The following LMBRD2 variants were observed in gnomAD, a reference collection of about 807,000 sequenced individuals.
The protein encoded by LMBRD2 is LMBR1 domain containing 2.
LMBRD2 carries 55 observed loss-of-function variants against 94.4 expected under a neutral mutation model. The observed-to-expected ratio is 0.58, with a 90% confidence interval of 0.47 to 0.73. The LOEUF is 0.73. Ranked by LOEUF, LMBRD2 falls within the 30% of genes least tolerant of loss-of-function variation. The pLI, the probability that LMBRD2 is intolerant of heterozygous loss-of-function variation, is 0.00. For synonymous variants in LMBRD2, 246 were observed against 272.4 expected (o/e 0.90, Z 0.95); for missense variants, 640 against 831.9 (o/e 0.77, Z 2.84).
At chr5:36,130,315 T>C (rs1035148726) in intron 6 of LMBRD2, among the ~76,000 whole-genome samples, 2 of 152,268 alleles carry the variant, frequency 1.3e-5, no homozygotes, top group Middle Eastern at 3.4e-3. Flanking sequence ...GAGTTTTTAT[T>C]AGTTTTCTCT....
chr5:36,130,218 C>T (rs1355127885), intron 6 of LMBRD2, among the ~76,000 whole-genome samples: 4 of 151,934 alleles, frequency 2.6e-5, no homozygotes, highest in African/African-American at 9.7e-5. Context: ...AAAATAACTA[C>T]AACAACTTTT....
chr5:36,117,950 C>G, intron 9 of LMBRD2, 34 bp from the exon 10 acceptor site: 1 of 1,484,288 alleles, frequency 6.7e-7, no homozygotes, highest in Non-Finnish European at 9.2e-7. Context: ...ATTAGGAAAA[C>G]TACAAAAGAG....
At chr5:36,140,919 C>T in intron 4 of LMBRD2, 188 bp downstream of exon 4, 1 of 419,676 alleles carries the variant, frequency 2.4e-6, no homozygotes, top group South Asian at 4.9e-5. Flanking sequence ...CAGTTGTTTG[C>T]AGATCTAAGA....
At position 36,104,018 on chromosome 5, in the gene LMBRD2, T is replaced by G. The variant is rs779150180; in HGVS notation, c.*28A>C. ...GACTGAACTGATGTGTTGACCTTGG[T>G]TAGTGGTCCCACAAACTTTTTCAGA... On this transcript the variant is annotated 3_prime_UTR_variant, in exon 18 of 18. Transcript: ENST00000296603. The G allele has an allele frequency of 6.4e-7, 1 of 1,561,198 alleles. No homozygotes were observed. Among genetic ancestry groups the G allele is most frequent in the Non-Finnish European group, 8.8e-7 (1 of 1,134,580 alleles).
intron 6 of LMBRD2, among the ~76,000 whole-genome samples, chr5:36,134,025 CT>C (rs1203451206): frequency 2.0e-5 from 3 of 151,926 alleles, no homozygotes. Flanking sequence ...AAATTAATTT[CT>C]TTTATCAAAT....
Position 36,115,065 on chromosome 5 carries a change from TA to T in LMBRD2, c.1491del (p.His497GlnfsTer23). 6.2e-7 allele frequency: 1 copy of T among 1,612,420 alleles called. No homozygotes were observed. The highest frequency in any genetic ancestry group is 8.5e-7 in the Non-Finnish European group (1 of 1,179,014). The part of the protein sequence containing the change: ...PLCLNFLGLT[H>X]MDSSISHKNT... ...TTCTTGTGAGAGATAGATGAATCCA[TA>T]TGGGTCAAACCCAAGAAATTAAGAC... On this transcript the variant is annotated frameshift_variant, in exon 12 of 18. Coordinates refer to ENST00000296603, the MANE Select transcript of LMBRD2 (RefSeq NM_001007527.2). LOFTEE classifies it high-confidence loss of function.
At position 36,116,558 on chromosome 5, in the gene LMBRD2, G is replaced by T. The variant is rs773164811; in HGVS notation, c.1338C>A (p.Ile446=). ...ACFLSIFFLS[I]CVYSTVFRIR... ...TCCTGAACACAGTAGAATAAACACA[G>T]ATACTTAGGAAGAAGATGGAAAGGA... is the stretch of plus-strand genomic sequence containing the variant. The change falls in exon 11 of 18, where the codon ATC becomes ATA. Residue 446 remains isoleucine (I), a synonymous_variant. Transcript: ENST00000296603. The T allele has an allele frequency of 1.2e-6, 2 of 1,612,622 alleles. No individual in the cohort carries two copies. Among genetic ancestry groups the T allele is most frequent in the Non-Finnish European group, 1.7e-6 (2 of 1,179,530 alleles).
intron 13 of LMBRD2, among the ~76,000 whole-genome samples, 197 bp from the exon 14 acceptor site, chr5:36,111,455 T>C (rs111330179): frequency 6.6e-6 from 1 of 152,054 alleles, no homozygotes; most frequent in South Asian, 2.1e-4. Flanking sequence ...TGCCCTGTAC[T>C]TCACTGATTA....
Position 36,124,186 on chromosome 5 carries a change from AT to A in LMBRD2, c.822+4del. The stretch of plus-strand genomic sequence containing the variant: ...AAAAGGAAACAGACAAGATGATTTC[AT>A]TACCTTTTTAAGTATTGTATCAACA... On this transcript the variant is annotated splice_donor_region_variant and intron_variant, in intron 7 of 17. Transcript: ENST00000296603. 1 of 1,493,208 alleles carries A rather than the reference AT, an allele frequency of 6.7e-7. No individual in the cohort carries two copies. Among genetic ancestry groups the A allele is most frequent in the South Asian group, 1.2e-5 (1 of 85,764 alleles). 92.5% of individuals were successfully genotyped at this position (1,493,208 alleles called of 1,614,324 possible).
At chr5:36,113,287 AC>A (rs1743658467) in intron 13 of LMBRD2, among the ~76,000 whole-genome samples, 2 of 151,732 alleles carry the variant, frequency 1.3e-5, no homozygotes, top group South Asian at 4.2e-4. Flanking sequence ...CCAGTCACGT[AC>A]CCCCTGCTTG....
At chr5:36,136,544 T>C in intron 5 of LMBRD2, 25 bp from the exon 6 acceptor site, 1 of 1,585,476 alleles carries the variant, frequency 6.3e-7, no homozygotes, top group Non-Finnish European at 8.7e-7. Flanking sequence ...CAACAGATAA[T>C]ATGTATATTT....
chr5:36,142,364 G>C (rs1344136504), intron 3 of LMBRD2, 138 bp downstream of exon 3: 1 of 498,916 alleles, frequency 2.0e-6, no homozygotes, highest in East Asian at 3.2e-5. Context: ...AGTCTACTAG[G>C]AAAGAATAGA....
At position 36,137,379 on chromosome 5, in the gene LMBRD2, A is replaced by G; in HGVS notation, c.431T>C (p.Ile144Thr). ...RSGGFSITGKIKTALIENAIY... is the reference protein window; with the variant it reads ...RSGGFSITGKTKTALIENAIY... ...TGCATTCTCAATTAGTGCAGTTTTG[A>G]TCTTTCCAGTGATGGAAAACCCTCC... is the stretch of plus-strand genomic sequence containing the variant. The change falls in exon 5 of 18, where the codon ATC (isoleucine) becomes ACC (threonine). Residue 144 changes from isoleucine to threonine, a missense_variant. Ile to Thr is a moderately conservative substitution (Grantham distance 89, BLOSUM62 -1). Transcript: ENST00000296603. 6.2e-7 allele frequency: 1 copy of G among 1,606,312 alleles called. No homozygotes were observed. Among genetic ancestry groups the G allele is most frequent in the Middle Eastern group, 1.7e-4 (1 of 6,030 alleles).
rs896069713 is a variant in LMBRD2, at chr5:36,151,462, C to G, written c.-58+94G>C. The G allele has an allele frequency of 2.0e-5, 3 of 152,272 alleles. No homozygotes were observed. The highest frequency in any genetic ancestry group is 7.2e-5 in the African/African-American group (3 of 41,444). 9.4% of individuals were successfully genotyped at this position (152,272 alleles called of 1,614,324 possible). On this transcript the variant is annotated intron_variant, in intron 1 of 17. Transcript: ENST00000296603. The surrounding 1 kb of genome is among the most constrained non-coding windows in gnomAD (Gnocchi z 4.7). ...ATAAAGGAAGGATCCCGTCCACAGA[C>G]CCAATTCTTAGGGCCGCCTTCTCCC...
chr5:36,114,345 G>A, intron 13 of LMBRD2, 79 bp downstream of exon 13: 1 of 1,461,446 alleles, frequency 6.8e-7, no homozygotes, highest in South Asian at 1.4e-5. Context: ...AACTCAATCA[G>A]TAAATATTTA....
rs1226034882 is a variant in LMBRD2 at position 36,102,215 on chromosome 5, G to A, written c.*1831C>T. ...AAGTATCACTAGGAAAAATAGCACA[G>A]TTATAAACTCCAGTACATAAACACC... On this transcript the variant is annotated 3_prime_UTR_variant, in exon 18 of 18. Transcript: ENST00000296603. 2 of 151,856 alleles carry A rather than the reference G, an allele frequency of 1.3e-5. No homozygotes were observed. Among genetic ancestry groups the A allele is most frequent in the Non-Finnish European group, 2.9e-5 (2 of 67,814 alleles). The allele number at this position is 151,856 out of a possible 1,614,324, so 9.4% of individuals were successfully genotyped here.
In LMBRD2 at chr5:36,099,401, C is replaced by T. The variant is rs947016832; in HGVS notation, c.*4645G>A. ...ACCTTCTAAAATAAGAAAAATCCTTCGAGTTGTTTTCAAAATATGAACAAA... is the reference window on the plus strand; with the variant it reads ...ACCTTCTAAAATAAGAAAAATCCTTTGAGTTGTTTTCAAAATATGAACAAA... On this transcript the variant is annotated 3_prime_UTR_variant, in exon 18 of 18. Transcript: ENST00000296603. 4.6e-5 allele frequency: 7 copies of T among 152,002 alleles called. No homozygotes were observed. The highest frequency in any genetic ancestry group is 9.7e-5 in the African/African-American group (4 of 41,414). 9.4% of individuals were successfully genotyped at this position (152,002 alleles called of 1,614,324 possible).
At position 36,099,594 on chromosome 5, in the gene LMBRD2, A is replaced by G. The variant is rs2111827183; in HGVS notation, c.*4452T>C. The stretch of plus-strand genomic sequence containing the variant: ...CAACTCTAAATGGTGTTGTACAGTC[A>G]GTTTAAATAAATTATGATTTTACCC... On this transcript the variant is annotated 3_prime_UTR_variant, in exon 18 of 18. Transcript: ENST00000296603. 6.6e-6 allele frequency: 1 copy of G among 152,246 alleles called. No individual in the cohort carries two copies. Among genetic ancestry groups the G allele is most frequent in the Admixed American group, 6.6e-5 (1 of 15,250 alleles). The allele number at this position is 152,246 out of a possible 1,614,324, so 9.4% of individuals were successfully genotyped here. A position where few individuals can be genotyped will look rare whatever the true frequency, so the allele number is the denominator to read the frequency against.
At chr5:36,124,712 A>G (rs2111877683) in intron 6 of LMBRD2, among the ~76,000 whole-genome samples, 1 of 152,290 alleles carries the variant, frequency 6.6e-6, no homozygotes, top group African/African-American at 2.4e-5. Flanking sequence ...AGAGTACTCT[A>G]GAGCAGTCAT....
Sources: gnomAD v4.1 joint callset for allele counts (sites outside exome capture counted in the v4.1 genomes callset) on GRCh38, gnomAD v4.1.1 for gene constraint, Gnocchi (gnomAD v3.1) non-coding constraint, MANE v1.5 for transcripts, NCBI Gene and HGNC (gene_info 2026-07-23, HGNC 2026-07-21) for gene names.